Variants in LARGE1 observed in about 807,000 individuals in gnomAD.
LARGE1 encodes the protein xylosyl- and glucuronyltransferase LARGE1.
Under a neutral mutation model 87.6 loss-of-function variants are expected in LARGE1, and 43 were observed. The observed-to-expected ratio is 0.49, with a 90% CI of 0.38 to 0.63. LARGE1 has a LOEUF of 0.63. LARGE1 is among the 30% of genes least tolerant of loss of function. The probability of loss-of-function intolerance (pLI) is 0.00; values close to 1 mark genes in which losing one functional copy is unlikely to be tolerated. For synonymous variants in LARGE1, 434 were observed against 394.6 expected (o/e 1.10, Z -1.18); for missense variants, 802 against 1,000.2 (o/e 0.80, Z 2.67).
At chr22:33,763,904 T>C (rs2084816749) in intron 1 of LARGE1, among the ~76,000 whole-genome samples, 1 of 135,002 alleles carries the variant, frequency 7.4e-6, no homozygotes, top group Non-Finnish European at 1.5e-5. Context: ...GGCTAGAGTA[T>C]AGTGGTGTGA....
chr22:33,133,281 TC>T, the LARGE1 span, among the ~76,000 whole-genome samples: 1 of 152,182 alleles, frequency 6.6e-6, no homozygotes, highest in Non-Finnish European at 1.5e-5. Context: ...GCTGCACCCA[TC>T]AACCCGTCAT....
At chr22:33,763,087 C>G (rs750857202) in intron 1 of LARGE1, among the ~76,000 whole-genome samples, 4 of 152,184 alleles carry the variant, frequency 2.6e-5, no homozygotes, top group Non-Finnish European at 5.9e-5. Flanking sequence ...CCAGCCTTAG[C>G]ATTTCCAGAA....
At chr22:33,424,758 T>C (rs374372556) in intron 7 of LARGE1, among the ~76,000 whole-genome samples, 27 of 152,106 alleles carry the variant, frequency 1.8e-4, no homozygotes, top group African/African-American at 6.5e-4. Flanking sequence ...CTGCAAGGTC[T>C]GCTTGAGCCT....
intron 11 of LARGE1, among the ~76,000 whole-genome samples, chr22:33,242,527 C>G (rs1926571451): frequency 6.6e-6 from 1 of 152,166 alleles, no homozygotes; most frequent in Non-Finnish European, 1.5e-5. Flanking sequence ...TGGACACGAT[C>G]TCAGCACTCC....
intron 6 of LARGE1, among the ~76,000 whole-genome samples, chr22:33,523,730 T>TA (rs2071731575): frequency 6.6e-6 from 1 of 152,134 alleles, no homozygotes; most frequent in Admixed American, 6.6e-5. Context: ...TTCTAGGTTT[T>TA]AAAAATAACT....
At position 33,274,656 on chromosome 22, in the gene LARGE1, G is replaced by GC. The variant is rs774145886; in HGVS notation, c.2074-33dup. The GC allele has an allele frequency of 1.6e-5, 26 of 1,596,384 alleles. 1 individual carries two copies. Among genetic ancestry groups the GC allele is most frequent in the Non-Finnish European group, 1.4e-5 (16 of 1,163,884 alleles). On this transcript the variant is annotated intron_variant, in intron 14 of 14. Transcript: ENST00000397394. Reference sequence around the variant, plus strand: ...GAAGACAAGAGCAGCGTGAGAACCCGCAAGAGCCGAGGGTCATGCATGATG... The same window carrying GC: ...GAAGACAAGAGCAGCGTGAGAACCCGCCAAGAGCCGAGGGTCATGCATGATG...
chr22:33,264,378 T>C (rs573123261), intron 11 of LARGE1, among the ~76,000 whole-genome samples: 129 of 152,282 alleles, frequency 8.5e-4, no homozygotes, highest in African/African-American at 3.1e-3. Flanking sequence ...CAACTTAAAT[T>C]AGGTTTGTAG....
At chr22:33,209,526 C>T (rs1924853308) in intron 11 of LARGE1, among the ~76,000 whole-genome samples, 2 of 152,216 alleles carry the variant, frequency 1.3e-5, no homozygotes, top group Admixed American at 1.3e-4. Context: ...TTCCTTTATT[C>T]AGTTTTGCTC....
At chr22:33,658,119 G>A (rs373703608) in intron 2 of LARGE1, among the ~76,000 whole-genome samples, 2 of 152,052 alleles carry the variant, frequency 1.3e-5, no homozygotes, top group East Asian at 1.9e-4. Flanking sequence ...TTGTGGTTGC[G>A]GTTGTTGTTT....
chr22:33,846,044 G>A (rs1457091455), intron 1 of LARGE1, among the ~76,000 whole-genome samples: 2 of 152,132 alleles, frequency 1.3e-5, no homozygotes, highest in Non-Finnish European at 1.5e-5. Context: ...GTTTTCCGCT[G>A]TCTGAATTTT....
At chr22:33,656,455 C>T (rs181514196) in intron 2 of LARGE1, among the ~76,000 whole-genome samples, 52 of 152,216 alleles carry the variant, frequency 3.4e-4, no homozygotes, top group African/African-American at 1.2e-3. Flanking sequence ...ATTATGGGGG[C>T]TACAATTCAA....
intron 7 of LARGE1, among the ~76,000 whole-genome samples, chr22:33,392,107 T>A (rs937772260): frequency 3.3e-5 from 5 of 150,456 alleles, no homozygotes; most frequent in Admixed American, 2.0e-4. Context: ...CCTCACATCC[T>A]CAGAGTGACA....
intron 11 of LARGE1, among the ~76,000 whole-genome samples, chr22:33,190,161 A>G (rs113484652): frequency 0.024 from 3,635 of 152,004 alleles, 150 homozygotes; most frequent in African/African-American, 0.084. Context: ...TTTTTTTAGC[A>G]GCAGCTCAAT....
At chr22:33,379,262 C>CTTTT (rs71320972) in intron 9 of LARGE1, among the ~76,000 whole-genome samples, 1 of 130,674 alleles carries the variant, frequency 7.7e-6, no homozygotes, top group Non-Finnish European at 1.7e-5. Context: ...TGATTTCTTT[C>CTTTT]TTTTTTTTTT....
chr22:33,211,708 G>A (rs532592080), intron 11 of LARGE1, among the ~76,000 whole-genome samples: 1 of 152,262 alleles, frequency 6.6e-6, no homozygotes, highest in African/African-American at 2.4e-5. Context: ...CAGAGACGGC[G>A]GCTGCAGTGA....
At position 33,328,558 on chromosome 22, in the gene LARGE1, G is replaced by A. The variant is rs111391648; in HGVS notation, c.1287+9088C>T. On this transcript the variant is annotated intron_variant, in intron 10 of 14. Coordinates refer to ENST00000397394, the MANE Select transcript of LARGE1 (RefSeq NM_133642.5). Reference sequence around the variant, plus strand: ...TGTGCCACTGCACTCTAGCCTGGGTGACAGAGCGAGACTCTCTCTCAAAAT... The same window carrying A: ...TGTGCCACTGCACTCTAGCCTGGGTAACAGAGCGAGACTCTCTCTCAAAAT... Among the ~76,000 whole-genome samples the A allele has an allele frequency of 1.0e-2, 1,509 of 151,376 alleles. 14 individuals carry two copies. The highest frequency in any genetic ancestry group is 0.017 in the Non-Finnish European group (1,168 of 67,890).
At chr22:33,390,502 C>T (rs932032330) in intron 7 of LARGE1, among the ~76,000 whole-genome samples, 1 of 152,234 alleles carries the variant, frequency 6.6e-6, no homozygotes, top group African/African-American at 2.4e-5. Flanking sequence ...ATGGGTGGCT[C>T]TTCTTTGTAC....
chr22:33,185,639 T>A (rs1923433858), intron 11 of LARGE1, among the ~76,000 whole-genome samples: 1 of 152,144 alleles, frequency 6.6e-6, no homozygotes, highest in Non-Finnish European at 1.5e-5. Flanking sequence ...GGGAAGAGTC[T>A]GTGCGTGTGT....
In LARGE1 at chr22:33,537,472, T is replaced by C. The variant is rs541561691; in HGVS notation, c.787+27376A>G. Among the ~76,000 whole-genome samples, 74 of 152,252 alleles carry C rather than the reference T, an allele frequency of 4.9e-4. No individual in the cohort carries two copies. In the South Asian group the frequency reaches 6.6e-3, roughly 14 times the overall value. ...CCCTCTTCCAAGAACACTCATTCTA[T>C]TTGGGGGTCACCTGTATAGTCCAGG... On this transcript the variant is annotated intron_variant, in intron 6 of 14. Transcript: ENST00000397394.
Sources: gnomAD v4.1 joint callset for allele counts (sites outside exome capture counted in the v4.1 genomes callset) on GRCh38, gnomAD v4.1.1 for gene constraint, MANE v1.5 for transcripts, NCBI Gene and HGNC (gene_info 2026-07-23, HGNC 2026-07-21) for gene names.